ZNF276: variants seen among roughly 807,000 people sequenced by gnomAD.
ZNF276 encodes the protein centromere protein Z.
ZNF276 carries 59 observed loss-of-function variants against 63.9 expected under a neutral mutation model. The ratio of observed to expected loss-of-function variants is 0.92; its 90% CI spans 0.75 to 1.15. The LOEUF is 1.15. Among genes scored for constraint, ZNF276 ranks in the 50% most tolerant of loss-of-function variants. ZNF276 has a pLI of 0.00. For synonymous variants in ZNF276, 496 were observed against 348.4 expected (o/e 1.42, Z -4.72); for missense variants, 1,084 against 843.8 (o/e 1.28, Z -3.53).
chr16:89,733,002 G>GCGCCCT (rs1339611655), intron 6 of ZNF276: 2 of 268,098 alleles, frequency 7.5e-6, no homozygotes, highest in African/African-American at 5.0e-5. Flanking sequence ...GCTGTACCCT[G>GCGCCCT]CGCCCTCGCC....
chr16:89,738,127 G>C lies in ZNF276; in HGVS notation c.1726G>C (p.Val576Leu). 6.2e-7 allele frequency: 1 copy of C among 1,613,780 alleles called. No homozygotes were observed. The highest frequency in any genetic ancestry group is 8.5e-7 in the Non-Finnish European group (1 of 1,180,034). ...CAACCTCAATGTACACATGTCCATG[G>C]TGCACCCGCTGACACAGACCCAGGA... ...AHNLNVHMSM[V>L]HPLTQTQDKA... Residue 576 changes from valine to leucine, a missense_variant, in exon 11 of 11, where the codon GTG becomes CTG. By Grantham distance (32) the Val-to-Leu change is conservative. Transcript: ENST00000443381.
rs373682746 is a variant in ZNF276, at chr16:89,739,337, T to A, written c.*1091T>A. The A allele has an allele frequency of 2.0e-4, 321 of 1,610,824 alleles. 5 individuals are homozygous for A. The South Asian group carries it at 2.8e-3, about 14-fold the overall frequency. On this transcript the variant is annotated 3_prime_UTR_variant, in exon 11 of 11. Coordinates refer to ENST00000443381, the MANE Select transcript of ZNF276 (RefSeq NM_001113525.2). Reference sequence around the variant, plus strand: ...AAATGGCTACAGACTGCTGGAAAGGTAGCAGGTGATGCCAAGGGATACTGC... The same window carrying A: ...AAATGGCTACAGACTGCTGGAAAGGAAGCAGGTGATGCCAAGGGATACTGC...
chr16:89,736,633 C>T (rs188042428), intron 9 of ZNF276, among the ~76,000 whole-genome samples: 2 of 151,410 alleles, frequency 1.3e-5, no homozygotes, highest in Non-Finnish European at 2.9e-5. Flanking sequence ...ACCGGCCCCC[C>T]AAATTTTTTA....
Position 89,738,528 on chromosome 16 carries a change from A to G in ZNF276, c.*282A>G, listed in dbSNP as rs2062025631. ...GATTTGTAATCCACTTTTTAGTGCA[A>G]CAAGAGCTCCATGTTATGCTTGTAA... On this transcript the variant is annotated 3_prime_UTR_variant, in exon 11 of 11. Coordinates refer to ENST00000443381, the MANE Select transcript of ZNF276 (RefSeq NM_001113525.2). The G allele has an allele frequency of 3.1e-6, 5 of 1,605,376 alleles. No homozygotes were observed. In the East Asian group the frequency reaches 6.7e-5, roughly 21 times the overall value.
intron 4 of ZNF276, among the ~76,000 whole-genome samples, chr16:89,724,656 C>T (rs754576701): frequency 6.6e-6 from 1 of 152,106 alleles, no homozygotes; most frequent in Non-Finnish European, 1.5e-5. Flanking sequence ...CAAACAGAAA[C>T]ACAGCTACCC....
intron 9 of ZNF276, among the ~76,000 whole-genome samples, chr16:89,735,895 G>GTTTTTT (rs202205113): frequency 2.8e-5 from 4 of 142,886 alleles, no homozygotes; most frequent in Admixed American, 7.0e-5. Flanking sequence ...TTTTTTGTTT[G>GTTTTTT]TTTGTTTGTT....
chr16:89,737,521 A>AG, intron 9 of ZNF276: 1 of 171,524 alleles, frequency 5.8e-6, no homozygotes, highest in African/African-American at 2.9e-5. Flanking sequence ...ACTCCATCTC[A>AG]AAAAAAAAAA....
At position 89,722,676 on chromosome 16, in the gene ZNF276, C is replaced by T. The variant is rs1237869043; in HGVS notation, c.351C>T (p.Phe117=). The change falls in exon 2 of 11, where the codon TTC becomes TTT. Residue 117 remains phenylalanine (F), a synonymous_variant. Transcript: ENST00000443381. The part of the protein sequence containing the change: ...SAEERVLVRD[F]QRLLGVAVRQ... ...AGGAGCGCGTGCTCGTACGGGACTT[C>T]CAGCGCCTGCTTGGTGTGGCTGTCC... is the stretch of plus-strand genomic sequence containing the variant. 7 of 1,612,350 alleles carry T rather than the reference C, an allele frequency of 4.3e-6. No homozygotes were observed. Among genetic ancestry groups the T allele is most frequent in the African/African-American group, 1.3e-5 (1 of 75,074 alleles).
upstream of ZNF276, chr16:89,721,068 G>A: frequency 2.5e-6 from 1 of 393,028 alleles, no homozygotes; most frequent in Non-Finnish European, 4.2e-6. Flanking sequence ...CGGGTGGGTT[G>A]TCGCGACGGA....
intron 1 of ZNF276, 146 bp from the exon 2 acceptor site, chr16:89,722,385 C>A: frequency 1.1e-6 from 1 of 901,966 alleles, no homozygotes; most frequent in Non-Finnish European, 1.6e-6. Context: ...CTTGTCCCGC[C>A]GAGAGCCGCG....
chr16:89,729,186 T>C (rs932555745), intron 5 of ZNF276, 49 bp from the exon 6 acceptor site: 1 of 1,535,318 alleles, frequency 6.5e-7, no homozygotes, highest in South Asian at 1.1e-5. Context: ...GTTGGGTCTG[T>C]CACTGCCCAG....
intron 6 of ZNF276, among the ~76,000 whole-genome samples, chr16:89,730,012 G>A (rs1461506418): frequency 2.0e-5 from 3 of 152,174 alleles, no homozygotes; most frequent in African/African-American, 7.2e-5. Flanking sequence ...TCACAGCCCA[G>A]AACAAAGGTC....
intron 9 of ZNF276, among the ~76,000 whole-genome samples, chr16:89,737,261 C>T (rs1023309374): frequency 2.0e-5 from 3 of 152,152 alleles, no homozygotes; most frequent in Admixed American, 6.6e-5. Flanking sequence ...GTGGCTCACA[C>T]ATGTAATCCC....
chr16:89,736,123 C>G (rs1283869896), intron 9 of ZNF276, among the ~76,000 whole-genome samples: 2 of 152,158 alleles, frequency 1.3e-5, no homozygotes, highest in Non-Finnish European at 2.9e-5. Flanking sequence ...AATCTCCTGA[C>G]CTTGTGATCC....
rs1399412698 is a variant in ZNF276 at position 89,722,566 on chromosome 16, C to G, written c.241C>G (p.Leu81Val). Reference protein sequence around the residue: ...GRALAMGHCRLCHGKFSSRSL... With the variant: ...GRALAMGHCRVCHGKFSSRSL... ...GGCTCTCGCCATGGGTCACTGTCGCCTCTGCCACGGGAAGTTTTCCTCGAG... is the reference window on the plus strand; with the variant it reads ...GGCTCTCGCCATGGGTCACTGTCGCGTCTGCCACGGGAAGTTTTCCTCGAG... The change falls in exon 2 of 11, where the codon CTC becomes GTC. Residue 81 changes from leucine to valine, a missense_variant. Transcript: ENST00000443381. 1 of 1,612,454 alleles carries G rather than the reference C, an allele frequency of 6.2e-7. No individual in the cohort carries two copies. The highest frequency in any genetic ancestry group is 2.2e-5 in the East Asian group (1 of 44,880).
chr16:89,722,656 C>G lies in ZNF276; in HGVS notation c.331C>G (p.Arg111Gly). The change falls in exon 2 of 11, where the codon CGC becomes GGC. Residue 111 changes from arginine to glycine, a missense_variant. Arg to Gly is a moderately radical substitution (Grantham distance 125). Coordinates refer to ENST00000443381, the MANE Select transcript of ZNF276 (RefSeq NM_001113525.2). Reference sequence around the variant, plus strand: ...CATGGAGAGGCCATCCGCAGAGGAGCGCGTGCTCGTACGGGACTTCCAGCG... The same window carrying G: ...CATGGAGAGGCCATCCGCAGAGGAGGGCGTGCTCGTACGGGACTTCCAGCG... The part of the protein sequence containing the change: ...ASMERPSAEE[R>G]VLVRDFQRLL... 1 of 1,612,250 alleles carries G rather than the reference C, an allele frequency of 6.2e-7. No individual in the cohort carries two copies. Among genetic ancestry groups the G allele is most frequent in the Non-Finnish European group, 8.5e-7 (1 of 1,180,026 alleles).
chr16:89,721,205 C>T, upstream of ZNF276: 1 of 225,642 alleles, frequency 4.4e-6, no homozygotes, highest in Non-Finnish European at 8.6e-6. Flanking sequence ...CCCCTTTCTG[C>T]AGCCCGCCCG....
chr16:89,723,175 C>A lies in ZNF276; in HGVS notation c.548C>A (p.Ala183Glu). 2 of 1,613,164 alleles carry A rather than the reference C, an allele frequency of 1.2e-6. No individual in the cohort carries two copies. Among genetic ancestry groups the A allele is most frequent in the East Asian group, 2.2e-5 (1 of 44,874 alleles). Residue 183 changes from alanine (A) to glutamate (E), a missense_variant, in exon 3 of 11, where the codon GCG becomes GAG. Transcript: ENST00000443381. ...CCCCCAACAGGGGCAGAGGAGGGAG[C>A]GTGTCTGGGTGAGTCCTCCCCCGGT... ...AQPPTGAEEGACLVDLITSSP... is the reference protein window; with the variant it reads ...AQPPTGAEEGECLVDLITSSP...
rs1023324062 is a variant in ZNF276 at position 89,738,299 on chromosome 16, G to A, written c.*53G>A. 9 of 1,537,728 alleles carry A rather than the reference G, an allele frequency of 5.9e-6. No individual in the cohort carries two copies. The highest frequency in any genetic ancestry group is 1.4e-5 in the African/African-American group (1 of 72,920). On this transcript the variant is annotated 3_prime_UTR_variant, in exon 11 of 11. Coordinates refer to ENST00000443381, the MANE Select transcript of ZNF276 (RefSeq NM_001113525.2). ...GCAGCCTGGACTCCGCAGTGGCTGTGTCAGCCTCACCCTTCGTGTGCACCC... is the reference window on the plus strand; with the variant it reads ...GCAGCCTGGACTCCGCAGTGGCTGTATCAGCCTCACCCTTCGTGTGCACCC...
Sources: gnomAD v4.1 joint callset for allele counts (sites outside exome capture counted in the v4.1 genomes callset) on GRCh38, gnomAD v4.1.1 for gene constraint, MANE v1.5 for transcripts, NCBI Gene and HGNC (gene_info 2026-07-23, HGNC 2026-07-21) for gene names.